ATP5F1B: variants seen among roughly 807,000 people sequenced by gnomAD.
The protein encoded by ATP5F1B is ATP synthase F1 subunit beta.
Under a neutral mutation model 45.9 loss-of-function variants are expected in ATP5F1B, and 17 were observed. That is an observed-to-expected ratio of 0.37 (90% CI 0.25 to 0.56). The LOEUF (loss-of-function observed/expected upper bound fraction) is 0.56, where lower values mean the gene tolerates loss of function less well. Ranked by LOEUF, ATP5F1B falls within the 20% of genes least tolerant of loss-of-function variation. ATP5F1B has a pLI of 0.80. For missense variants in ATP5F1B, 387 were observed against 673.2 expected, an observed-to-expected ratio of 0.57 and a Z score of 4.70; for synonymous variants, 218 against 256.5, an observed-to-expected ratio of 0.85 and a Z score of 1.43.
At chr12:56,644,501 C>T (rs1321544357) in intron 3 of ATP5F1B, among the ~76,000 whole-genome samples, 1 of 151,998 alleles carries the variant, frequency 6.6e-6, no homozygotes, top group Admixed American at 6.6e-5. Context: ...ATCCCAGCTA[C>T]TCAGGAGGCT....
chr12:56,640,038 G>A lies in ATP5F1B; in HGVS notation c.1229C>T (p.Pro410Leu). Residue 410 changes from proline (P) to leucine (L), a missense_variant, in exon 8 of 10, where the codon CCC becomes CTC. Transcript: ENST00000262030. Reference sequence around the variant, plus strand: ...GTAATGCTCACTGCCAACAATGTTGGGATCCATGATACGAGAGGTGGAGTC... The same window carrying A: ...GTAATGCTCACTGCCAACAATGTTGAGATCCATGATACGAGAGGTGGAGTC... ...PLDSTSRIMD[P>L]NIVGSEHYDV... is the part of the protein sequence containing the mutation. 6.2e-7 allele frequency: 1 copy of A among 1,614,016 alleles called. No homozygotes were observed. Among genetic ancestry groups the A allele is most frequent in the African/African-American group, 1.3e-5 (1 of 74,972 alleles).
At position 56,644,947 on chromosome 12, in the gene ATP5F1B, T is replaced by A; in HGVS notation, c.319A>T (p.Thr107Ser). The change falls in exon 3 of 10, where the codon ACA becomes TCA. Residue 107 changes from threonine to serine, a missense_variant. By Grantham distance (58) the Thr-to-Ser change is moderately conservative. Around this residue, in one of 6 missense-constraint regions of ATP5F1B, gnomAD observed 113 missense variants for 168.0 expected, o/e 0.67. Transcript: ENST00000262030. ...CCATCCATAGCAATAGTCCTTACTG[T>A]GCTCTCACCTGTTAGATACAGGCAT... Reference protein sequence around the residue: ...LEVAQHLGESTVRTIAMDGTE... With the variant: ...LEVAQHLGESSVRTIAMDGTE... The A allele has an allele frequency of 6.2e-7, 1 of 1,614,100 alleles. No homozygotes were observed. The highest frequency in any genetic ancestry group is 8.5e-7 in the Non-Finnish European group (1 of 1,179,920).
Position 56,638,433 on chromosome 12 carries a change from G to A in ATP5F1B, c.1490-10C>T, listed in dbSNP as rs114825887. ...AGATGGTCATATTCACCTGTATGATGGGGGAGAAAAAAAAAAAGAGTAAGA... is the reference window on the plus strand; with the variant it reads ...AGATGGTCATATTCACCTGTATGATAGGGGAGAAAAAAAAAAAGAGTAAGA... On this transcript the variant is annotated splice_polypyrimidine_tract_variant and intron_variant, in intron 9 of 9. Transcript: ENST00000262030. The A allele has an allele frequency of 6.3e-4, 1,000 of 1,586,982 alleles. 10 individuals carry two copies. The African/African-American group carries it at 0.013, about 20-fold the overall frequency.
Position 56,643,878 on chromosome 12 carries a change from A to G in ATP5F1B, c.566T>C (p.Val189Ala), listed in dbSNP as rs1951531200. The part of the protein sequence containing the change: ...EQEILVTGIK[V>A]VDLLAPYAKG... ...GGCATAGGGAGCTAGCAGATCGACAACCTTGATACCAGTCACCAGAATTTC... is the reference window on the plus strand; with the variant it reads ...GGCATAGGGAGCTAGCAGATCGACAGCCTTGATACCAGTCACCAGAATTTC... The change falls in exon 4 of 10, where the codon GTT (valine) becomes GCT (alanine). Residue 189 changes from valine (V) to alanine (A), a missense_variant. This residue lies in a region of ATP5F1B where 8 missense variants were observed against 21.1 expected (regional missense o/e 0.38). Transcript: ENST00000262030. 1 of 1,614,068 alleles carries G rather than the reference A, an allele frequency of 6.2e-7. No individual in the cohort carries two copies. The highest frequency in any genetic ancestry group is 8.5e-7 in the Non-Finnish European group (1 of 1,180,038).
In ATP5F1B at chr12:56,643,823, C is replaced by G; in HGVS notation, c.607+14G>C. 4 of 1,614,010 alleles carry G rather than the reference C, an allele frequency of 2.5e-6. No individual in the cohort carries two copies. In the South Asian group the frequency reaches 3.3e-5, roughly 13 times the overall value. ...ATATTAGGTTTGGAAAATATGTACCCCTTAATAACATACCAATTTTGCCAC... is the reference window on the plus strand; with the variant it reads ...ATATTAGGTTTGGAAAATATGTACCGCTTAATAACATACCAATTTTGCCAC... On this transcript the variant is annotated intron_variant, in intron 4 of 9. Transcript: ENST00000262030.
At chr12:56,643,687 A>T in intron 4 of ATP5F1B, 100 bp from the exon 5 acceptor site, 3 of 1,584,834 alleles carry the variant, frequency 1.9e-6, no homozygotes, top group Non-Finnish European at 2.6e-6. Flanking sequence ...ATTCCTTCTC[A>T]GAAATTGCAT....
intron 3 of ATP5F1B, among the ~76,000 whole-genome samples, chr12:56,644,267 A>G (rs925740108): frequency 1.3e-5 from 2 of 151,874 alleles, no homozygotes; most frequent in African/African-American, 4.8e-5. Flanking sequence ...ACAAAAACCT[A>G]CAAGTTTTGG....
Position 56,640,191 on chromosome 12 carries a change from G to A in ATP5F1B, c.1076C>T (p.Ala359Val). 6.2e-7 allele frequency: 1 copy of A among 1,612,564 alleles called. No homozygotes were observed. The highest frequency in any genetic ancestry group is 1.3e-5 in the African/African-American group (1 of 74,900). Residue 359 changes from alanine to valine, a missense_variant and splice_region_variant, in exon 8 of 10, where the codon GCT becomes GTT. Coordinates refer to ENST00000262030, the MANE Select transcript of ATP5F1B (RefSeq NM_001686.4). ...CAAGTCATCAGCAGGCACATAGATA[G>A]CCTAAAGTGAGATCCCATGAAGAAC... ...TKKGSITSVQAIYVPADDLTD... is the reference protein window; with the variant it reads ...TKKGSITSVQVIYVPADDLTD...
At chr12:56,638,513 A>T in intron 9 of ATP5F1B, 90 bp from the exon 10 acceptor site, 1 of 947,132 alleles carries the variant, frequency 1.1e-6, no homozygotes, top group Non-Finnish European at 1.7e-6. Context: ...ACTTCAGGCC[A>T]TCAGTTAGAA....
chr12:56,639,781 A>G (rs905672887), intron 8 of ATP5F1B, among the ~76,000 whole-genome samples, 199 bp downstream of exon 8: 1 of 151,960 alleles, frequency 6.6e-6, no homozygotes, highest in East Asian at 1.9e-4. Flanking sequence ...AAAAAAAAAA[A>G]AAAGAAAGAA....
Position 56,645,157 on chromosome 12 carries a change from C to G in ATP5F1B, c.310+14G>C. ...TACACAAGGTCTTTACTATTCCTAA[C>G]AAACTCTACTTACCCAAATGCTGGG... On this transcript the variant is annotated intron_variant, in intron 2 of 9. Transcript: ENST00000262030. 1 of 1,614,098 alleles carries G rather than the reference C, an allele frequency of 6.2e-7. No homozygotes were observed. The highest frequency in any genetic ancestry group is 1.3e-5 in the African/African-American group (1 of 75,072).
chr12:56,640,231 AT>A (rs201281818), intron 7 of ATP5F1B, 39 bp from the exon 8 acceptor site: 148,388 of 1,317,072 alleles, frequency 0.11, 103 homozygotes, highest in East Asian at 0.18. Context: ...ACCAAAGTAA[AT>A]TTTTTTTTTT....
Position 56,639,228 on chromosome 12 carries a change from C to T in ATP5F1B, c.1367G>A (p.Arg456His), listed in dbSNP as rs778911180. Reference protein sequence around the residue: ...LSEEDKLTVSRARKIQRFLSQ... With the variant: ...LSEEDKLTVSHARKIQRFLSQ... ...CAAGAAACGCTGTATTTTCCGTGCA[C>T]GGGACACGGTCAACTTGTCTTCCTC... The change falls in exon 9 of 10, where the codon CGT becomes CAT. Residue 456 changes from arginine (R) to histidine (H), a missense_variant. Arg to His is a conservative substitution (Grantham distance 29). Transcript: ENST00000262030. The T allele has an allele frequency of 1.4e-5, 23 of 1,613,980 alleles. No homozygotes were observed. The highest frequency in any genetic ancestry group is 1.8e-5 in the Non-Finnish European group (21 of 1,180,030).
chr12:56,638,999 A>T, intron 9 of ATP5F1B, 107 bp downstream of exon 9: 1 of 1,105,088 alleles, frequency 9.0e-7, no homozygotes, highest in Non-Finnish European at 1.3e-6. Flanking sequence ...TTTGTTTTTT[A>T]AATTAAAAAA....
intron 4 of ATP5F1B, 22 bp from the exon 5 acceptor site, chr12:56,643,609 G>T (rs747120065): frequency 1.2e-6 from 2 of 1,612,742 alleles, no homozygotes; most frequent in African/African-American, 2.7e-5. Context: ...TGAAAAGAAA[G>T]AATATTTAAG....
At position 56,642,666 on chromosome 12, in the gene ATP5F1B, C is replaced by A; in HGVS notation, c.951+7G>T. 2 of 1,614,168 alleles carry A rather than the reference C, an allele frequency of 1.2e-6. No homozygotes were observed. Among genetic ancestry groups the A allele is most frequent in the Non-Finnish European group, 1.7e-6 (2 of 1,180,004 alleles). Reference sequence around the variant, plus strand: ...TGAACCAGGTCCTCTCAAGCCTTCCCTCTTACCTCTGAACCAGCCTGGGTG... The same window carrying A: ...TGAACCAGGTCCTCTCAAGCCTTCCATCTTACCTCTGAACCAGCCTGGGTG... On this transcript the variant is annotated splice_region_variant and intron_variant, in intron 6 of 9. Transcript: ENST00000262030.
intron 8 of ATP5F1B, 61 bp downstream of exon 8, chr12:56,639,919 A>G: frequency 6.5e-7 from 1 of 1,548,502 alleles, no homozygotes. Context: ...GTCCTCATAT[A>G]GTCCCCACAG....
chr12:56,638,236 A>T lies in ATP5F1B; in HGVS notation c.*87T>A. ...ACTGTTCAGAAAGAATATATCTTCA[A>T]TCAAGGCTCTTGTGCAGCCTACACA... On this transcript the variant is annotated 3_prime_UTR_variant, in exon 10 of 10. Transcript: ENST00000262030. 3.6e-6 allele frequency: 4 copies of T among 1,112,786 alleles called. No homozygotes were observed. The highest frequency in any genetic ancestry group is 5.3e-6 in the Non-Finnish European group (4 of 747,982). 68.9% of individuals were successfully genotyped at this position (1,112,786 alleles called of 1,614,324 possible). A position where few individuals can be genotyped will look rare whatever the true frequency, so the allele number is the denominator to read the frequency against.
At chr12:56,642,395 G>A in intron 7 of ATP5F1B, 63 bp downstream of exon 7, 6 of 1,601,960 alleles carry the variant, frequency 3.7e-6, no homozygotes, top group Non-Finnish European at 5.1e-6. Flanking sequence ...CTCAGTAGCT[G>A]AGATGCACCA....
Sources: allele counts gnomAD v4.1 joint callset (sites outside exome capture counted in the v4.1 genomes callset), GRCh38; gene constraint gnomAD v4.1.1; regional missense constraint gnomAD v4.1.1; transcripts MANE v1.5; gene names NCBI Gene and HGNC (gene_info 2026-07-23, HGNC 2026-07-21).